The following KMT2C variants were observed in gnomAD, a reference collection of about 807,000 sequenced individuals.
The protein encoded by KMT2C is histone-lysine N-methyltransferase 2C.
Under a neutral mutation model 507.9 loss-of-function variants are expected in KMT2C, and 88 were observed. That is an observed-to-expected ratio of 0.17 (90% confidence interval 0.15 to 0.21). KMT2C has a LOEUF of 0.21. KMT2C is among the 10% of genes least tolerant of loss of function. The pLI, the probability that KMT2C is intolerant of heterozygous loss-of-function variation, is 1.00. For missense variants in KMT2C, 4,954 were observed against 5,957.8 expected, an observed-to-expected ratio of 0.83 and a Z score of 5.55; for synonymous variants, 2,049 against 2,080.8, an observed-to-expected ratio of 0.98 and a Z score of 0.42.
rs1587832810 is a variant in KMT2C, at chr7:152,163,928, G to C, written c.9751-102C>G. 4 of 1,124,692 alleles carry C rather than the reference G, an allele frequency of 3.6e-6. No homozygotes were observed. The East Asian group carries it at 9.9e-5, about 28-fold the overall frequency. The allele number at this position is 1,124,692 out of a possible 1,614,324, so 69.7% of individuals were successfully genotyped here. ...GTTGAGGTTACACAGAGGGCAGTTTGGCCCTGCAGAAGCAAACATATTTTG... is the reference window on the plus strand; with the variant it reads ...GTTGAGGTTACACAGAGGGCAGTTTCGCCCTGCAGAAGCAAACATATTTTG... On this transcript the variant is annotated intron_variant, in intron 42 of 58. Transcript: ENST00000262189.
rs1192095973 is a variant in KMT2C at position 152,179,974 on chromosome 7, T to G, written c.7302A>C (p.Arg2434Ser). 1 of 1,613,560 alleles carries G rather than the reference T, an allele frequency of 6.2e-7. No individual in the cohort carries two copies. The highest frequency in any genetic ancestry group is 8.5e-7 in the Non-Finnish European group (1 of 1,179,900). Residue 2434 changes from arginine (R) to serine (S), a missense_variant, in exon 37 of 59, where the codon AGA becomes AGC. Physicochemically the swap from Arg to Ser is moderately radical, Grantham distance 110. This residue lies in a region of KMT2C where 1,689 missense variants were observed against 1,654.3 expected (regional missense o/e 1.02). Coordinates refer to ENST00000262189, the MANE Select transcript of KMT2C (RefSeq NM_170606.3). The stretch of plus-strand genomic sequence containing the variant: ...TGTTCCCAGGATAGGGAGGTGGGGG[T>G]CTGGTGAAAGCCTGGTTAACATTCT... Reference protein sequence around the residue: ...QPENVNQAFTRPPPPYPGNIR... With the variant: ...QPENVNQAFTSPPPPYPGNIR...
intron 52 of KMT2C, among the ~76,000 whole-genome samples, chr7:152,147,260 G>A (rs981166788): frequency 6.6e-6 from 1 of 151,976 alleles, no homozygotes; most frequent in Non-Finnish European, 1.5e-5. Context: ...AACCATGGAG[G>A]TCCAAACTAA....
At chr7:152,303,236 A>G (rs886866954) in intron 6 of KMT2C, among the ~76,000 whole-genome samples, 48 of 152,230 alleles carry the variant, frequency 3.2e-4, no homozygotes, top group African/African-American at 1.2e-3. Context: ...TGCCATGTTA[A>G]CAACCGAGGA....
At chr7:152,201,742 A>G (rs750164393) in intron 26 of KMT2C, among the ~76,000 whole-genome samples, 12 of 152,008 alleles carry the variant, frequency 7.9e-5, no homozygotes, top group East Asian at 1.9e-4. Flanking sequence ...GATTGAGGGG[A>G]AAAACATGTA....
chr7:152,365,694 T>C (rs559224389), intron 1 of KMT2C, among the ~76,000 whole-genome samples: 1 of 152,352 alleles, frequency 6.6e-6, no homozygotes, highest in South Asian at 2.1e-4. Flanking sequence ...TGTTTTGTTT[T>C]GAAGTGTGCT....
intron 44 of KMT2C, chr7:152,157,741 A>G: frequency 8.3e-7 from 1 of 1,200,474 alleles, no homozygotes; most frequent in Non-Finnish European, 1.1e-6. Context: ...GCAAGACAAC[A>G]CCTTGGCAGA....
chr7:152,138,703 T>A lies in KMT2C; in HGVS notation c.14643+93A>T. 1.2e-6 allele frequency: 1 copy of A among 804,398 alleles called. No individual in the cohort carries two copies. Among genetic ancestry groups the A allele is most frequent in the Non-Finnish European group, 2.0e-6 (1 of 488,334 alleles). 49.8% of individuals were successfully genotyped at this position (804,398 alleles called of 1,614,324 possible). ...ACAGAGTTTTTATCACAACAAAGAA[T>A]TGGGAAACAAGTGAGTAAGTGACCT... On this transcript the variant is annotated intron_variant, in intron 58 of 58. Coordinates refer to ENST00000262189, the MANE Select transcript of KMT2C (RefSeq NM_170606.3). The surrounding 1 kb of genome is among the most constrained non-coding windows in gnomAD (Gnocchi z 4.2).
rs1025028453 is a variant in KMT2C at position 152,324,986 on chromosome 7, T to G, written c.389+5615A>C. 6.6e-5 allele frequency among the ~76,000 whole-genome samples: 10 copies of G among 152,048 alleles called. 1 individual carries two copies. The highest frequency in any genetic ancestry group is 4.1e-4 in the South Asian group (2 of 4,828). ...ATGCTTACTGCCTTCTACAGAAGCT[T>G]CTTCTTATTGCATTGTTTTGCTTCA... On this transcript the variant is annotated intron_variant, in intron 3 of 58. Coordinates refer to ENST00000262189, the MANE Select transcript of KMT2C (RefSeq NM_170606.3).
chr7:152,201,615 A>C (rs547541755), intron 26 of KMT2C, among the ~76,000 whole-genome samples: 2 of 129,682 alleles, frequency 1.5e-5, no homozygotes, highest in Non-Finnish European at 3.2e-5. Flanking sequence ...AACAACAAAG[A>C]TGAAAAAAAA....
At chr7:152,206,127 T>C (rs142046590) in intron 24 of KMT2C, among the ~76,000 whole-genome samples, 4 of 152,322 alleles carry the variant, frequency 2.6e-5, no homozygotes, top group African/African-American at 9.6e-5. Context: ...CTCATACACA[T>C]GTTAAAAGGA....
intron 1 of KMT2C, among the ~76,000 whole-genome samples, chr7:152,372,056 A>T (rs1466765351): frequency 6.6e-6 from 1 of 152,234 alleles, no homozygotes; most frequent in Non-Finnish European, 1.5e-5. Flanking sequence ...AAGAAACTAC[A>T]AGAGTCAGAA....
chr7:152,311,998 T>C, intron 4 of KMT2C, 52 bp from the exon 5 acceptor site: 1 of 1,466,566 alleles, frequency 6.8e-7, no homozygotes, highest in Non-Finnish European at 9.3e-7. Flanking sequence ...GAAAATTGTT[T>C]CATTTTTAAC....
At chr7:152,193,121 AGTTGTGT>A (rs2093854705) in intron 31 of KMT2C, among the ~76,000 whole-genome samples, 1 of 152,206 alleles carries the variant, frequency 6.6e-6, no homozygotes, top group Non-Finnish European at 1.5e-5. Flanking sequence ...AGCTGACGTG[AGTTGTGT>A]TCACACCACT....
At position 152,359,589 on chromosome 7, in the gene KMT2C, G is replaced by A. The variant is rs145975107; in HGVS notation, c.162-914C>T. Among the ~76,000 whole-genome samples, 1,278 of 151,948 alleles carry A rather than the reference G, an allele frequency of 8.4e-3. 20 individuals carry two copies. The highest frequency in any genetic ancestry group is 0.03 in the African/African-American group (1,233 of 41,430). ...GTTCAAGACCAGCCTGGCCATCATGGCGAAACCCCATCTCTACCAAAAAAA... is the reference window on the plus strand; with the variant it reads ...GTTCAAGACCAGCCTGGCCATCATGACGAAACCCCATCTCTACCAAAAAAA... On this transcript the variant is annotated intron_variant, in intron 1 of 58. Coordinates refer to ENST00000262189, the MANE Select transcript of KMT2C (RefSeq NM_170606.3).
chr7:152,187,818 C>T lies in KMT2C; in HGVS notation c.4690G>A (p.Gly1564Ser). Reference sequence around the variant, plus strand: ...AGATGAGGACTGGATCCAATAAGGCCATTCATGAGAGGCATCCGTGAAAAA... The same window carrying T: ...AGATGAGGACTGGATCCAATAAGGCTATTCATGAGAGGCATCCGTGAAAAA... ...DAFSRMPLMN[G>S]LIGSSPHLPH... Residue 1564 changes from glycine (G) to serine (S), a missense_variant, in exon 32 of 59, where the codon GGC becomes AGC. Gly to Ser is a moderately conservative substitution (Grantham distance 56). Around this residue, in one of 29 missense-constraint regions of KMT2C, gnomAD observed 195 missense variants for 183.7 expected, o/e 1.06. Coordinates refer to ENST00000262189, the MANE Select transcript of KMT2C (RefSeq NM_170606.3). The T allele has an allele frequency of 6.2e-7, 1 of 1,613,730 alleles. No homozygotes were observed. The highest frequency in any genetic ancestry group is 8.5e-7 in the Non-Finnish European group (1 of 1,179,854).
At chr7:152,408,425 T>C (rs2097644715) in intron 1 of KMT2C, among the ~76,000 whole-genome samples, 1 of 152,246 alleles carries the variant, frequency 6.6e-6, no homozygotes, top group Non-Finnish European at 1.5e-5. Context: ...TTCTAGAAGA[T>C]AGTTTATCGT....
intron 3 of KMT2C, among the ~76,000 whole-genome samples, chr7:152,327,873 G>C (rs539709838): frequency 6.6e-6 from 1 of 150,962 alleles, no homozygotes; most frequent in Admixed American, 6.6e-5. Context: ...CAGAAGAATG[G>C]CGTGAACCCA....
intron 3 of KMT2C, among the ~76,000 whole-genome samples, chr7:152,330,154 G>A (rs1563884230): frequency 7.6e-6 from 1 of 130,778 alleles, no homozygotes; most frequent in Admixed American, 7.6e-5. Flanking sequence ...AAAAAAGGGA[G>A]GGGGGGAGGG....
intron 1 of KMT2C, among the ~76,000 whole-genome samples, chr7:152,435,016 G>T (rs549900594): frequency 6.6e-6 from 1 of 152,216 alleles, no homozygotes; most frequent in South Asian, 2.1e-4. Context: ...CTGGGTGTTG[G>T]GGGAGGGGGG....
Sources: gnomAD v4.1 joint callset for allele counts (sites outside exome capture counted in the v4.1 genomes callset) on GRCh38, gnomAD v4.1.1 for gene constraint, gnomAD v4.1.1 regional missense constraint, Gnocchi (gnomAD v3.1) non-coding constraint, MANE v1.5 for transcripts, NCBI Gene and HGNC (gene_info 2026-07-23, HGNC 2026-07-21) for gene names.